The following PAX8 variants were observed in gnomAD, a reference collection of about 807,000 sequenced individuals.
PAX8 encodes paired box protein Pax-8.
PAX8 carries 15 observed loss-of-function variants against 52.4 expected under a neutral mutation model. The ratio of observed to expected loss-of-function variants is 0.29; its 90% CI spans 0.19 to 0.44. The LOEUF (loss-of-function observed/expected upper bound fraction) is 0.44. PAX8 is among the 20% of genes least tolerant of loss of function. The pLI is 1.00. For missense variants in PAX8, 554 were observed against 602.5 expected (o/e 0.92, Z 0.84); for synonymous variants, 284 against 249.7 (o/e 1.14, Z -1.29).
chr2:113,268,743 C>G (rs1450744678), intron 2 of PAX8: 1 of 152,546 alleles, frequency 6.6e-6, no homozygotes, highest in East Asian at 1.9e-4. Context: ...TGGGTGAGGA[C>G]AGCTGGAATG....
intron 2 of PAX8, among the ~76,000 whole-genome samples, chr2:113,255,752 A>G (rs965836049): frequency 2.9e-5 from 4 of 140,178 alleles, no homozygotes; most frequent in Admixed American, 2.8e-4. Context: ...ATGGAGAATG[A>G]TGGGAGGTGA....
intron 11 of PAX8, 79 bp downstream of exon 11, chr2:113,220,013 G>T: frequency 3.0e-6 from 3 of 996,006 alleles, no homozygotes; most frequent in South Asian, 1.4e-5. Flanking sequence ...CAGCTTTCAG[G>T]TAACCTTTGA....
intron 2 of PAX8, chr2:113,265,721 G>A (rs1400765413): frequency 3.3e-5 from 5 of 152,170 alleles, no homozygotes; most frequent in Admixed American, 1.3e-4. Context: ...GAAGGCAGAG[G>A]CATGGTCTCC....
chr2:113,277,930 G>T (rs1693940234), intron 2 of PAX8, among the ~76,000 whole-genome samples: 1 of 151,872 alleles, frequency 6.6e-6, no homozygotes, highest in Non-Finnish European at 1.5e-5. Flanking sequence ...GGAGCTCACA[G>T]TCCAGCCAGG....
At chr2:113,258,555 A>G (rs1254816966) in intron 2 of PAX8, among the ~76,000 whole-genome samples, 1 of 151,834 alleles carries the variant, frequency 6.6e-6, no homozygotes, top group Non-Finnish European at 1.5e-5. Flanking sequence ...TCCCTGCATA[A>G]TCTTTATTGC....
At chr2:113,231,539 T>C (rs1340384822) in intron 9 of PAX8, among the ~76,000 whole-genome samples, 1 of 127,676 alleles carries the variant, frequency 7.8e-6, no homozygotes, top group Non-Finnish European at 1.7e-5. Context: ...AAAAACGCTA[T>C]GAAGTAGTGA....
At chr2:113,264,826 G>A (rs1692941453) in intron 2 of PAX8, among the ~76,000 whole-genome samples, 1 of 152,200 alleles carries the variant, frequency 6.6e-6, no homozygotes, top group African/African-American at 2.4e-5. Context: ...GGGAGTGGGA[G>A]TGGGAAGGGT....
chr2:113,260,366 AGTAT>A (rs1692577856), intron 2 of PAX8, among the ~76,000 whole-genome samples: 1 of 151,948 alleles, frequency 6.6e-6, no homozygotes. Context: ...CTCATGTGTG[AGTAT>A]GTGTGTGTGT....
At chr2:113,250,292 G>A (rs894290669) in intron 2 of PAX8, among the ~76,000 whole-genome samples, 2 of 151,130 alleles carry the variant, frequency 1.3e-5, no homozygotes, top group African/African-American at 2.4e-5. Flanking sequence ...AAAGAAGATA[G>A]GGGGACCAGG....
chr2:113,220,112 A>C lies in PAX8; in HGVS notation c.1256T>G (p.Phe419Cys), dbSNP rs1274012932. The C allele has an allele frequency of 2.9e-5, 46 of 1,613,612 alleles. No homozygotes were observed. Among genetic ancestry groups the C allele is most frequent in the Non-Finnish European group, 3.8e-5 (45 of 1,179,908 alleles). The change falls in exon 11 of 12, where the codon TTC becomes TGC. Residue 419 changes from phenylalanine (F) to cysteine (C), a missense_variant. Physicochemically the swap from Phe to Cys is radical, Grantham distance 205. This residue lies in a region of PAX8 where 445 missense variants were observed against 409.9 expected (regional missense o/e 1.09). Coordinates refer to ENST00000429538, the MANE Select transcript of PAX8 (RefSeq NM_003466.4). ...PYSSYSEAWRFPNSSLLSSPY... is the reference protein window; with the variant it reads ...PYSSYSEAWRCPNSSLLSSPY... The stretch of plus-strand genomic sequence containing the variant: ...CTTACTCAGCAAGCTGGAGTTGGGG[A>C]AGCGCCAGGCCTCGCTGTAGGAGGA...
intron 10 of PAX8, among the ~76,000 whole-genome samples, chr2:113,222,750 G>T (rs1309672498): frequency 6.6e-6 from 1 of 151,898 alleles, no homozygotes; most frequent in East Asian, 1.9e-4. Flanking sequence ...CTGCCCCATG[G>T]TCTCTGCCTT....
intron 7 of PAX8, chr2:113,239,176 T>C (rs1462018403): frequency 6.6e-6 from 1 of 151,496 alleles, no homozygotes; most frequent in Non-Finnish European, 1.5e-5. Flanking sequence ...CAAGCGATTC[T>C]CCTGTCTCAG....
intron 10 of PAX8, among the ~76,000 whole-genome samples, chr2:113,221,983 GA>G (rs1388572130): frequency 1.3e-5 from 2 of 152,090 alleles, no homozygotes; most frequent in Non-Finnish European, 2.9e-5. Context: ...AAAAACCTAA[GA>G]AATAATCTAA....
At chr2:113,233,684 C>A (rs10779887) in intron 9 of PAX8, among the ~76,000 whole-genome samples, 142,458 of 146,978 alleles carry the variant, frequency 0.97, 69,004 homozygotes, top group East Asian at 1. Context: ...TCTCAAAAAA[C>A]AAAAAAACAA....
chr2:113,242,262 A>T (rs1415457831), intron 5 of PAX8, 132 bp from the exon 6 acceptor site: 1 of 696,154 alleles, frequency 1.4e-6, no homozygotes, highest in East Asian at 2.7e-5. Context: ...AAGGGGTGGG[A>T]CACCCCTTAC....
chr2:113,263,587 T>A (rs983605455), intron 2 of PAX8: 3 of 152,200 alleles, frequency 2.0e-5, no homozygotes, highest in African/African-American at 7.2e-5. Flanking sequence ...AAAGATGCCA[T>A]CTCGGAGGCT....
chr2:113,246,739 GA>G lies in PAX8; in HGVS notation c.191+14del, dbSNP rs750781161. 192 of 1,609,714 alleles carry G rather than the reference GA, an allele frequency of 1.2e-4. No homozygotes were observed. The highest frequency in any genetic ancestry group is 1.2e-4 in the Non-Finnish European group (145 of 1,177,174). ...CCCTGCGGGGAAGGCGGCCTGCGGT[GA>G]ATTTCGTGCTTACCTGCCAAGGATC... On this transcript the variant is annotated intron_variant, in intron 3 of 11. Coordinates refer to ENST00000429538, the MANE Select transcript of PAX8 (RefSeq NM_003466.4).
At chr2:113,226,803 G>A in intron 10 of PAX8, 1 of 1,231,756 alleles carries the variant, frequency 8.1e-7, no homozygotes, top group African/African-American at 1.5e-5. Context: ...CACTCACAGT[G>A]TTTTGGGGCC....
At chr2:113,262,609 T>C (rs1301122547) in intron 2 of PAX8, among the ~76,000 whole-genome samples, 1 of 152,162 alleles carries the variant, frequency 6.6e-6, no homozygotes, top group Non-Finnish European at 1.5e-5. Context: ...CCCTAGCACC[T>C]TGGAAACAAG....
Sources: allele counts gnomAD v4.1 joint callset (sites outside exome capture counted in the v4.1 genomes callset), GRCh38; gene constraint gnomAD v4.1.1; regional missense constraint gnomAD v4.1.1; transcripts MANE v1.5; gene names NCBI Gene and HGNC (gene_info 2026-07-23, HGNC 2026-07-21).